The following MAGI1 variants were observed in gnomAD, a reference collection of about 807,000 sequenced individuals.
MAGI1 encodes membrane associated guanylate kinase, WW and PDZ domain containing 1.
Under a neutral mutation model 139.9 loss-of-function variants are expected in MAGI1, and 58 were observed. That is an observed-to-expected ratio of 0.41 (90% CI 0.34 to 0.52). The LOEUF is 0.52. MAGI1 is among the 20% of genes least tolerant of loss of function. The pLI, the probability that MAGI1 is intolerant of heterozygous loss-of-function variation, is 0.12. For missense variants in MAGI1, 1,874 were observed against 1,901.6 expected, an observed-to-expected ratio of 0.99 and a Z score of 0.27; for synonymous variants, 812 against 737.9, an observed-to-expected ratio of 1.10 and a Z score of -1.63.
At chr3:65,599,137 A>G (rs969030195) in intron 2 of MAGI1, among the ~76,000 whole-genome samples, 7 of 152,122 alleles carry the variant, frequency 4.6e-5, no homozygotes, top group African/African-American at 1.7e-4. Context: ...AAATAGGGCA[A>G]GAGGGGAAAG....
intron 1 of MAGI1, among the ~76,000 whole-genome samples, chr3:66,017,075 C>T (rs2067686940): frequency 6.6e-6 from 1 of 152,136 alleles, no homozygotes; most frequent in Non-Finnish European, 1.5e-5. Flanking sequence ...GCATAATAAC[C>T]TGAATATACT....
At chr3:65,932,341 G>A (rs1268147869) in intron 1 of MAGI1, among the ~76,000 whole-genome samples, 3 of 152,236 alleles carry the variant, frequency 2.0e-5, no homozygotes, top group South Asian at 4.1e-4. Context: ...CAGCCTAAGC[G>A]ACAGAGTGAA....
chr3:65,784,831 A>G (rs1375993235), intron 1 of MAGI1, among the ~76,000 whole-genome samples: 1 of 152,248 alleles, frequency 6.6e-6, no homozygotes, highest in Non-Finnish European at 1.5e-5. Context: ...GAATCCTGAA[A>G]CAAGATAAGG....
At chr3:65,981,163 A>AAG (rs869158104) in intron 1 of MAGI1, among the ~76,000 whole-genome samples, 2 of 151,798 alleles carry the variant, frequency 1.3e-5, no homozygotes, top group South Asian at 2.1e-4. Context: ...AAAAAAAAAA[A>AAG]AAAGAAAAGG....
chr3:65,816,637 GGA>G (rs2041621087), intron 1 of MAGI1, among the ~76,000 whole-genome samples: 3 of 93,020 alleles, frequency 3.2e-5, no homozygotes, highest in South Asian at 1.2e-3. Flanking sequence ...AGCTAACAGG[GGA>G]AAAAAAAAAA....
chr3:65,511,598 G>C (rs1264608030), intron 2 of MAGI1, among the ~76,000 whole-genome samples: 1 of 113,380 alleles, frequency 8.8e-6, no homozygotes, highest in African/African-American at 3.4e-5. Context: ...TCAACAAGAA[G>C]AGCTAACTAT....
chr3:65,598,923 G>A (rs565873079), intron 2 of MAGI1, among the ~76,000 whole-genome samples: 1 of 152,290 alleles, frequency 6.6e-6, no homozygotes, highest in African/African-American at 2.4e-5. Context: ...TTTTCAAATG[G>A]TCAGTCATTG....
At chr3:65,713,516 G>T (rs1018036625) in intron 1 of MAGI1, among the ~76,000 whole-genome samples, 3 of 152,020 alleles carry the variant, frequency 2.0e-5, no homozygotes, top group Non-Finnish European at 4.4e-5. Context: ...TACCCTGTGG[G>T]AACTACTAAA....
chr3:65,718,344 T>A (rs1305362878), intron 1 of MAGI1: 3 of 152,188 alleles, frequency 2.0e-5, no homozygotes, highest in Non-Finnish European at 2.9e-5. Flanking sequence ...CTTTTTGCAA[T>A]TCCTTTCACA....
intron 1 of MAGI1, among the ~76,000 whole-genome samples, chr3:65,913,847 G>A (rs2061777187): frequency 6.6e-6 from 1 of 152,150 alleles, no homozygotes; most frequent in Non-Finnish European, 1.5e-5. Context: ...TACCATGGAG[G>A]AATTCTACCA....
At chr3:65,766,638 C>G (rs1013167888) in intron 1 of MAGI1, among the ~76,000 whole-genome samples, 1 of 151,972 alleles carries the variant, frequency 6.6e-6, no homozygotes, top group Non-Finnish European at 1.5e-5. Context: ...GCCTGTAATC[C>G]CAACACTTTG....
At chr3:66,012,835 G>T (rs544101163) in intron 1 of MAGI1, among the ~76,000 whole-genome samples, 1 of 151,534 alleles carries the variant, frequency 6.6e-6, no homozygotes, top group African/African-American at 2.4e-5. Flanking sequence ...TGGCACATCA[G>T]AAGTGCCCCT....
At chr3:65,650,736 G>A (rs2085530003) in intron 1 of MAGI1, among the ~76,000 whole-genome samples, 1 of 152,202 alleles carries the variant, frequency 6.6e-6, no homozygotes, top group South Asian at 2.1e-4. Context: ...GAACCTATTA[G>A]GAGTCCAGAT....
chr3:65,445,189 C>T (rs1230013613), intron 7 of MAGI1, among the ~76,000 whole-genome samples: 1 of 152,136 alleles, frequency 6.6e-6, no homozygotes, highest in Non-Finnish European at 1.5e-5. Context: ...AAGATTGAGC[C>T]TTAATTCTTT....
intron 2 of MAGI1, among the ~76,000 whole-genome samples, chr3:65,497,897 C>T (rs899720082): frequency 3.3e-5 from 5 of 152,092 alleles, no homozygotes; most frequent in African/African-American, 9.7e-5. Context: ...AGTGGGAAGG[C>T]GGGCAAGTCT....
chr3:65,777,196 C>T (rs2107981093), intron 1 of MAGI1, among the ~76,000 whole-genome samples: 1 of 152,252 alleles, frequency 6.6e-6, no homozygotes. Context: ...GAGAAGCAAA[C>T]ATACAGATAA....
At chr3:65,630,626 A>G (rs1300720259) in intron 1 of MAGI1, among the ~76,000 whole-genome samples, 2 of 152,226 alleles carry the variant, frequency 1.3e-5, no homozygotes, top group Admixed American at 1.3e-4. Flanking sequence ...ACCAAATACC[A>G]TATGTTCTCA....
In MAGI1 at chr3:65,891,882, T is replaced by TGTA. The variant is rs2060766145; in HGVS notation, c.313+146113_313+146114insTAC. Among the ~76,000 whole-genome samples, 4 of 94,492 alleles carry TGTA rather than the reference T, an allele frequency of 4.2e-5. 1 individual carries two copies. The highest frequency in any genetic ancestry group is 1.7e-4 in the African/African-American group (4 of 23,838). The allele number at this position is 94,492 out of a possible 152,430, so 62.0% of individuals were successfully genotyped here. On this transcript the variant is annotated intron_variant, in intron 1 of 22. Coordinates refer to ENST00000402939, the MANE Select transcript of MAGI1 (RefSeq NM_001033057.2). ...TGCAAATGTACCCTAGAACTTAAAG[T>TGTA]ATAATATATATATATATATATATAT...
chr3:65,896,096 C>A (rs1271776973), intron 1 of MAGI1, among the ~76,000 whole-genome samples: 2 of 152,082 alleles, frequency 1.3e-5, no homozygotes, highest in African/African-American at 4.8e-5. Flanking sequence ...GGGAAGCCCC[C>A]AGCCAGACCA....
Sources: gnomAD v4.1 joint callset for allele counts (sites outside exome capture counted in the v4.1 genomes callset) on GRCh38, gnomAD v4.1.1 for gene constraint, MANE v1.5 for transcripts, NCBI Gene and HGNC (gene_info 2026-07-23, HGNC 2026-07-21) for gene names.